CHSY3: variants seen among roughly 807,000 people sequenced by gnomAD.
CHSY3 encodes the protein N-acetylgalactosaminyl-proteoglycan 3-beta-glucuronosyltransferase 3.
CHSY3 carries 35 observed loss-of-function variants against 67.2 expected under a neutral mutation model. The observed-to-expected ratio is 0.52, with a 90% CI of 0.40 to 0.69. The LOEUF (loss-of-function observed/expected upper bound fraction) is 0.69. Among genes scored for constraint, CHSY3 ranks in the 30% least tolerant of loss-of-function variants. CHSY3 has a pLI of 0.00. For missense variants in CHSY3, 1,069 were observed against 1,138.5 expected (o/e 0.94, Z 0.88); for synonymous variants, 474 against 434.7 (o/e 1.09, Z -1.12).
At chr5:130,120,932 A>T (rs920092661) in intron 2 of CHSY3, among the ~76,000 whole-genome samples, 1 of 151,602 alleles carries the variant, frequency 6.6e-6, no homozygotes, top group Admixed American at 6.6e-5. Context: ...TGAAGAAGAG[A>T]CTCCTTTTTC....
At chr5:130,019,073 C>A (rs1322083108) in intron 2 of CHSY3, among the ~76,000 whole-genome samples, 7 of 152,132 alleles carry the variant, frequency 4.6e-5, no homozygotes, top group African/African-American at 1.4e-4. Context: ...TAAATTAAAC[C>A]CTTTATTAAC....
At chr5:130,096,605 A>G (rs1026856212) in intron 2 of CHSY3, among the ~76,000 whole-genome samples, 11 of 152,182 alleles carry the variant, frequency 7.2e-5, no homozygotes, top group African/African-American at 2.7e-4. Flanking sequence ...GTAAGTCTAA[A>G]GTTATCTCAA....
intron 2 of CHSY3, among the ~76,000 whole-genome samples, chr5:130,100,837 TC>T (rs1292696400): frequency 6.6e-6 from 1 of 152,230 alleles, no homozygotes; most frequent in African/African-American, 2.4e-5. Flanking sequence ...AATTGCCATT[TC>T]AACCCTCTTA....
intron 2 of CHSY3, among the ~76,000 whole-genome samples, chr5:129,985,586 A>G (rs911426248): frequency 2.0e-5 from 3 of 151,872 alleles, no homozygotes; most frequent in Admixed American, 6.6e-5. Flanking sequence ...GTTTGATAGG[A>G]ATAGCATTGA....
intron 2 of CHSY3, among the ~76,000 whole-genome samples, chr5:130,014,307 T>C (rs145276336): frequency 0.012 from 1,797 of 152,318 alleles, 29 homozygotes; most frequent in African/African-American, 0.04. Context: ...CACCCACTCC[T>C]GGTACCAATT....
chr5:129,989,521 T>C (rs1335643266), intron 2 of CHSY3, among the ~76,000 whole-genome samples: 1 of 152,126 alleles, frequency 6.6e-6, no homozygotes, highest in Non-Finnish European at 1.5e-5. Flanking sequence ...ACCCAGGCCT[T>C]AACACCTCCC....
chr5:130,065,147 G>GT (rs1043116673), intron 2 of CHSY3, among the ~76,000 whole-genome samples: 3 of 151,990 alleles, frequency 2.0e-5, no homozygotes, highest in East Asian at 1.9e-4. Flanking sequence ...ATTTTAAAGT[G>GT]TTTTTTTATG....
intron 2 of CHSY3, among the ~76,000 whole-genome samples, chr5:130,165,147 C>G (rs1046670736): frequency 4.6e-5 from 7 of 152,060 alleles, no homozygotes; most frequent in Non-Finnish European, 8.8e-5. Context: ...GATTACATCC[C>G]GTCTTGGAAA....
At chr5:130,032,264 C>A (rs1580667778) in intron 2 of CHSY3, among the ~76,000 whole-genome samples, 1 of 152,072 alleles carries the variant, frequency 6.6e-6, no homozygotes, top group Non-Finnish European at 1.5e-5. Context: ...TATCCTTGAA[C>A]AATAAGGGAA....
chr5:130,017,545 C>T (rs567156145), intron 2 of CHSY3, among the ~76,000 whole-genome samples: 35 of 152,070 alleles, frequency 2.3e-4, no homozygotes, highest in Non-Finnish European at 4.4e-4. Context: ...CTTGATCTCC[C>T]GAGAAGTTCT....
intron 2 of CHSY3, among the ~76,000 whole-genome samples, chr5:129,943,343 C>T (rs1761752962): frequency 6.6e-6 from 1 of 152,144 alleles, no homozygotes; most frequent in South Asian, 2.1e-4. Flanking sequence ...TGCCGAACTC[C>T]AAAGAGCCTG....
In CHSY3 at chr5:130,185,373, C is replaced by G; in HGVS notation, c.2231C>G (p.Pro744Arg). 1 of 1,606,648 alleles carries G rather than the reference C, an allele frequency of 6.2e-7. No homozygotes were observed. Among genetic ancestry groups the G allele is most frequent in the Non-Finnish European group, 8.5e-7 (1 of 1,173,202 alleles). ...NTIQGQQVYY[P>R]IIFSQYDPKV... is the part of the protein sequence containing the mutation. ...ATTCAGGGACAACAGGTGTACTATC[C>G]CATCATCTTTAGCCAGTATGACCCA... is the stretch of plus-strand genomic sequence containing the variant. Residue 744 changes from proline (P) to arginine (R), a missense_variant, in exon 3 of 3, where the codon CCC becomes CGC. Physicochemically the swap from Pro to Arg is moderately radical, Grantham distance 103. Coordinates refer to ENST00000305031, the MANE Select transcript of CHSY3 (RefSeq NM_175856.5).
At chr5:130,077,274 A>G (rs1262037965) in intron 2 of CHSY3, among the ~76,000 whole-genome samples, 1 of 151,988 alleles carries the variant, frequency 6.6e-6, no homozygotes, top group South Asian at 2.1e-4. Flanking sequence ...ACCCTCAGTG[A>G]TTCTGGAATT....
At chr5:130,037,320 C>T (rs944776770) in intron 2 of CHSY3, among the ~76,000 whole-genome samples, 1 of 152,050 alleles carries the variant, frequency 6.6e-6, no homozygotes, top group African/African-American at 2.4e-5. Flanking sequence ...TGAGGGACAC[C>T]CTTCCCACCC....
intron 2 of CHSY3, among the ~76,000 whole-genome samples, chr5:130,009,072 TAACTA>T (rs1246857915): frequency 6.6e-6 from 1 of 152,110 alleles, no homozygotes; most frequent in African/African-American, 2.4e-5. Flanking sequence ...TTTCACAACT[TAACTA>T]GAGAGGTCAA....
chr5:130,020,522 C>T (rs1421531840), intron 2 of CHSY3, among the ~76,000 whole-genome samples: 1 of 138,098 alleles, frequency 7.2e-6, no homozygotes, highest in Non-Finnish European at 1.5e-5. Context: ...TTTAAACTCT[C>T]TGTTGCTTGA....
chr5:130,000,531 G>T (rs1467857768), intron 2 of CHSY3, among the ~76,000 whole-genome samples: 2 of 151,360 alleles, frequency 1.3e-5, no homozygotes, highest in African/African-American at 4.8e-5. Flanking sequence ...AACTCCAGAG[G>T]TTGATGATTA....
At chr5:130,029,554 A>G (rs4266445) in intron 2 of CHSY3, among the ~76,000 whole-genome samples, 26 of 152,136 alleles carry the variant, frequency 1.7e-4, no homozygotes, top group Admixed American at 1.3e-3. Flanking sequence ...GAGGTGTTTG[A>G]TTTATATATT....
chr5:129,969,019 A>T (rs1762553633), intron 2 of CHSY3, among the ~76,000 whole-genome samples: 1 of 151,812 alleles, frequency 6.6e-6, no homozygotes, highest in Non-Finnish European at 1.5e-5. Flanking sequence ...TTATGTGAAA[A>T]ATGCTTATGA....
Sources: allele counts gnomAD v4.1 joint callset (sites outside exome capture counted in the v4.1 genomes callset), GRCh38; gene constraint gnomAD v4.1.1; transcripts MANE v1.5; gene names NCBI Gene and HGNC (gene_info 2026-07-23, HGNC 2026-07-21).